Variants in ZNF385D observed in about 807,000 individuals in gnomAD.
ZNF385D encodes the protein zinc finger protein 385D, also known as zinc finger protein 659.
ZNF385D carries 15 observed loss-of-function variants against 35.8 expected under a neutral mutation model. The observed-to-expected ratio is 0.42, with a 90% CI of 0.28 to 0.64. The LOEUF is 0.64. ZNF385D is among the 30% of genes least tolerant of loss of function. ZNF385D has a pLI of 0.23. For missense variants in ZNF385D, 474 were observed against 494.6 expected (o/e 0.96, Z 0.39); for synonymous variants, 212 against 186.8 (o/e 1.13, Z -1.10).
chr3:22,321,035 C>T (rs1488388378), intron 2 of ZNF385D, among the ~76,000 whole-genome samples: 1 of 151,856 alleles, frequency 6.6e-6, no homozygotes, highest in Non-Finnish European at 1.5e-5. Flanking sequence ...TGATTTGATA[C>T]ATGCAAGCTC....
chr3:21,996,634 G>A (rs1695483799), intron 3 of ZNF385D, among the ~76,000 whole-genome samples: 1 of 152,142 alleles, frequency 6.6e-6, no homozygotes. Context: ...GCTTATGTTA[G>A]CATAGTTGTA....
At position 22,254,802 on chromosome 3, in the gene ZNF385D, G is replaced by T. The variant is rs114464685; in HGVS notation, c.107-85767C>A. Among the ~76,000 whole-genome samples the T allele has an allele frequency of 5.9e-5, 9 of 151,566 alleles. 1 individual carries two copies. Among genetic ancestry groups the T allele is most frequent in the African/African-American group, 2.2e-4 (9 of 41,288 alleles). Reference sequence around the variant, plus strand: ...TTAGTAAGGGTTACTAAGCAAAATCGCAGTGCTTGTATTCAAGTAACCCTT... The same window carrying T: ...TTAGTAAGGGTTACTAAGCAAAATCTCAGTGCTTGTATTCAAGTAACCCTT... On this transcript the variant is annotated intron_variant, in intron 2 of 5. Coordinates refer to the ZNF385D transcript ENST00000494108.
At chr3:22,040,184 C>T (rs1176856070) in intron 3 of ZNF385D, among the ~76,000 whole-genome samples, 1 of 152,004 alleles carries the variant, frequency 6.6e-6, no homozygotes, top group African/African-American at 2.4e-5. Context: ...TTTCCTTACA[C>T]ATAGCCCACA....
chr3:21,898,944 G>A (rs373258326), intron 3 of ZNF385D, among the ~76,000 whole-genome samples: 58 of 152,146 alleles, frequency 3.8e-4, no homozygotes, highest in African/African-American at 1.4e-3. Flanking sequence ...CGTCTCATTG[G>A]CCAGAACGGG....
intron 3 of ZNF385D, among the ~76,000 whole-genome samples, chr3:22,038,420 A>G (rs966226440): frequency 1.3e-5 from 2 of 152,292 alleles, no homozygotes; most frequent in East Asian, 3.9e-4. Flanking sequence ...TTACTTCAGT[A>G]GCACCTGTTT....
At chr3:21,911,511 T>C (rs1699962393) in intron 3 of ZNF385D, among the ~76,000 whole-genome samples, 1 of 151,970 alleles carries the variant, frequency 6.6e-6, no homozygotes, top group South Asian at 2.1e-4. Context: ...ATTTGTATTA[T>C]GGCCATATTC....
rs944303858 is a variant in ZNF385D, at chr3:21,436,976, T to C, written c.667A>G (p.Asn223Asp). The C allele has an allele frequency of 6.2e-7, 1 of 1,613,750 alleles. No individual in the cohort carries two copies. The highest frequency in any genetic ancestry group is 8.5e-7 in the Non-Finnish European group (1 of 1,179,776). Residue 223 changes from asparagine to aspartate, a missense_variant, in exon 5 of 8, where the codon AAC becomes GAC. Coordinates refer to ENST00000281523, the MANE Select transcript of ZNF385D (RefSeq NM_024697.3). The stretch of plus-strand genomic sequence containing the variant: ...AGAAATCGCTGCATCTCACCACTGT[T>C]GTGCGCCTCCAGCTGCGAGGCAGAG... ...VNSASQLEAH[N>D]SGTKHKTMLE... is the part of the protein sequence containing the mutation.
At chr3:21,914,893 T>C (rs970905810) in intron 3 of ZNF385D, among the ~76,000 whole-genome samples, 3 of 151,700 alleles carry the variant, frequency 2.0e-5, no homozygotes, top group Admixed American at 6.6e-5. Context: ...CAAGACAGAT[T>C]TGGACACTAA....
At chr3:22,007,170 A>G (rs866361526) in intron 3 of ZNF385D, among the ~76,000 whole-genome samples, 4 of 152,164 alleles carry the variant, frequency 2.6e-5, no homozygotes, top group Admixed American at 6.5e-5. Context: ...CTCCATTTTC[A>G]TCCATACCTA....
intron 5 of ZNF385D, 91 bp from the exon 6 acceptor site, chr3:21,425,761 T>C: frequency 8.2e-7 from 1 of 1,222,600 alleles, no homozygotes; most frequent in South Asian, 1.7e-5. Context: ...AAATCTTAGC[T>C]AGTATATACC....
chr3:21,525,002 C>T (rs950200907), intron 3 of ZNF385D, among the ~76,000 whole-genome samples: 18 of 152,172 alleles, frequency 1.2e-4, no homozygotes, highest in African/African-American at 4.3e-4. Context: ...AACCACACCA[C>T]TACATGATCT....
Position 21,971,620 on chromosome 3 carries a change from T to C in ZNF385D, c.325+197197A>G, listed in dbSNP as rs567551313. Among the ~76,000 whole-genome samples the C allele has an allele frequency of 5.9e-5, 9 of 151,322 alleles. No homozygotes were observed. In the South Asian group the frequency reaches 1.0e-3, roughly 18 times the overall value. Reference sequence around the variant, plus strand: ...AGAGTAAGTCCTTACTCATCAATAATAGCATTTAATGTAAACAGACTAAAC... The same window carrying C: ...AGAGTAAGTCCTTACTCATCAATAACAGCATTTAATGTAAACAGACTAAAC... On this transcript the variant is annotated intron_variant, in intron 3 of 5. Transcript: ENST00000494108.
intron 3 of ZNF385D, among the ~76,000 whole-genome samples, chr3:21,910,269 G>T (rs1188566164): frequency 1.3e-5 from 2 of 151,906 alleles, no homozygotes; most frequent in Non-Finnish European, 2.9e-5. Context: ...TATCTGTTCT[G>T]TGTGTTCATT....
chr3:22,328,791 A>G (rs1241562701), intron 2 of ZNF385D, among the ~76,000 whole-genome samples: 1 of 150,796 alleles, frequency 6.6e-6, no homozygotes, highest in Non-Finnish European at 1.5e-5. Context: ...AAAAGAGTTT[A>G]TTGGCCGGGC....
At chr3:22,209,793 A>G (rs1339364607) in intron 2 of ZNF385D, among the ~76,000 whole-genome samples, 1 of 151,714 alleles carries the variant, frequency 6.6e-6, no homozygotes, top group African/African-American at 2.4e-5. Flanking sequence ...AAGCAATAAT[A>G]TAACCACATA....
intron 3 of ZNF385D, among the ~76,000 whole-genome samples, chr3:21,765,018 GTAAA>G (rs1478425668): frequency 6.6e-6 from 1 of 152,126 alleles, no homozygotes; most frequent in Non-Finnish European, 1.5e-5. Flanking sequence ...GCTGTCTCAA[GTAAA>G]TAAAGTCTTG....
rs115979926 is a variant in ZNF385D, at chr3:22,093,841, A to G, written c.325+74976T>C. On this transcript the variant is annotated intron_variant, in intron 3 of 5. Coordinates refer to the ZNF385D transcript ENST00000494108. ...AGCAAGTTTTGTACTAAGATTTACT[A>G]TATGTGCAGAAAAGTACACATACAG... is the stretch of plus-strand genomic sequence containing the variant. Among the ~76,000 whole-genome samples, 1,140 of 152,270 alleles carry G rather than the reference A, an allele frequency of 7.5e-3. 6 individuals are homozygous for G. The highest frequency in any genetic ancestry group is 0.011 in the Non-Finnish European group (761 of 68,014).
intron 3 of ZNF385D, among the ~76,000 whole-genome samples, chr3:22,067,700 G>A (rs1025443020): frequency 6.6e-6 from 1 of 152,172 alleles, no homozygotes; most frequent in Non-Finnish European, 1.5e-5. Flanking sequence ...ATAAGGGAAA[G>A]AAGCAATTAT....
chr3:21,751,384 GA>G, upstream of ZNF385D: 2 of 1,020,708 alleles, frequency 2.0e-6, no homozygotes, highest in Non-Finnish European at 1.2e-6. Context: ...CTCTTAAAGC[GA>G]GAAGAGTGTC....
Sources: allele counts gnomAD v4.1 joint callset (sites outside exome capture counted in the v4.1 genomes callset), GRCh38; gene constraint gnomAD v4.1.1; transcripts MANE v1.5; gene names NCBI Gene and HGNC (gene_info 2026-07-23, HGNC 2026-07-21).